Variants in CEP72 observed in about 807,000 individuals in gnomAD.
CEP72 encodes centrosomal protein of 72 kDa.
A neutral mutation model predicts 65.7 loss-of-function variants in CEP72; 78 were observed. That is an observed-to-expected ratio of 1.19 (90% CI 0.99 to 1.43). The LOEUF (loss-of-function observed/expected upper bound fraction) is 1.43, where lower values mean the gene tolerates loss of function less well. Among genes scored for constraint, CEP72 ranks in the 40% most tolerant of loss-of-function variants. CEP72 has a pLI of 0.00. For missense variants in CEP72, 914 were observed against 832.9 expected, an observed-to-expected ratio of 1.10 and a Z score of -1.20; for synonymous variants, 358 against 351.7, an observed-to-expected ratio of 1.02 and a Z score of -0.20.
At chr5:628,485 C>G (rs34964025) in intron 4 of CEP72, among the ~76,000 whole-genome samples, 31 of 61,922 alleles carry the variant, frequency 5.0e-4, no homozygotes, top group African/African-American at 1.9e-3. Flanking sequence ...CTCAGGTTGC[C>G]GTCCCTGGGG....
chr5:655,274 G>T (rs1410288968), downstream of CEP72, among the ~76,000 whole-genome samples: 1 of 151,886 alleles, frequency 6.6e-6, no homozygotes, highest in African/African-American at 2.4e-5. The surrounding 1 kb of genome is among the most constrained non-coding windows in gnomAD (Gnocchi z 5.0). Flanking sequence ...CAGGAGAATC[G>T]TTTGAACCTG....
chr5:626,675 T>C (rs1488784764), intron 4 of CEP72, among the ~76,000 whole-genome samples: 1 of 152,034 alleles, frequency 6.6e-6, no homozygotes, highest in East Asian at 1.9e-4. Flanking sequence ...TTTTTTTTCT[T>C]AATTAACTGG....
chr5:644,611 C>T (rs1161214559), intron 10 of CEP72, among the ~76,000 whole-genome samples, 186 bp downstream of exon 10: 2 of 152,196 alleles, frequency 1.3e-5, no homozygotes, highest in African/African-American at 4.8e-5. Context: ...ATGGCACACA[C>T]GTGTGTCTGG....
chr5:636,809 CAAAAAAA>C (rs76828125), intron 6 of CEP72, among the ~76,000 whole-genome samples: 1,155 of 54,490 alleles, frequency 0.021, 41 homozygotes, highest in Admixed American at 0.13. Flanking sequence ...GACTCCAACT[CAAAAAAA>C]AAAAAAAAAA....
intron 11 of CEP72, among the ~76,000 whole-genome samples, chr5:650,096 T>TGTGACTGTGAGGC (rs1561064155): frequency 0.15 from 95 of 634 alleles, 29 homozygotes; most frequent in Middle Eastern, 1. Context: ...GACTGTGAGG[T>TGTGACTGTGAGGC]GTGGACTGTG....
chr5:637,830 G>C lies in CEP72; in HGVS notation c.1206+12G>C. On this transcript the variant is annotated intron_variant, in intron 7 of 11. Transcript: ENST00000264935. ...CCGACACCAGAGAGGTGAGAGAAGG[G>C]CTGGGGAGCAGCAGGCCCACGGCAC... is the stretch of plus-strand genomic sequence containing the variant. 2 of 1,524,094 alleles carry C rather than the reference G, an allele frequency of 1.3e-6. No individual in the cohort carries two copies. The highest frequency in any genetic ancestry group is 1.8e-6 in the Non-Finnish European group (2 of 1,133,276). 94.4% of individuals were successfully genotyped at this position (1,524,094 alleles called of 1,614,324 possible).
At chr5:671,942 C>T (rs1255643778), downstream of CEP72, among the ~76,000 whole-genome samples, 2 of 152,204 alleles carry the variant, frequency 1.3e-5, no homozygotes, top group Non-Finnish European at 2.9e-5. Context: ...AGCCCTGAGG[C>T]TCCTGGCCCC....
intron 4 of CEP72, chr5:666,140 G>A (rs759942758): frequency 6.2e-6 from 10 of 1,606,178 alleles, no homozygotes; most frequent in East Asian, 4.5e-5. Flanking sequence ...GGGCACAGGC[G>A]ACTTAGGGCT....
chr5:658,754 C>T (rs1461054411), downstream of CEP72, among the ~76,000 whole-genome samples: 1 of 142,848 alleles, frequency 7.0e-6, no homozygotes, highest in African/African-American at 2.6e-5. Context: ...CTGCAAGCTC[C>T]GCCTCCCGGG....
At chr5:617,207 C>G (rs891306428) in intron 1 of CEP72, among the ~76,000 whole-genome samples, 11 of 152,174 alleles carry the variant, frequency 7.2e-5, no homozygotes, top group African/African-American at 2.7e-4. Flanking sequence ...TGGGTTCTCT[C>G]TCGAGTGCCG....
chr5:626,631 A>C (rs1736775095), intron 4 of CEP72, among the ~76,000 whole-genome samples: 1 of 152,088 alleles, frequency 6.6e-6, no homozygotes, highest in Middle Eastern at 3.2e-3. Flanking sequence ...ACCAGCCTGG[A>C]CAACATAGTG....
downstream of CEP72, chr5:661,047 G>C (rs1444215136): frequency 6.6e-6 from 1 of 152,332 alleles, no homozygotes; most frequent in East Asian, 1.9e-4. Context: ...CTAATTGTTA[G>C]GAACACTACC....
At chr5:658,645 A>ATTTTTTTTTTTTTTTTTTTTTTT (rs70955278), downstream of CEP72, among the ~76,000 whole-genome samples, 4 of 55,946 alleles carry the variant, frequency 7.1e-5, 1 homozygote, top group Non-Finnish European at 1.4e-4. Flanking sequence ...AGCAAAGCTG[A>ATTTTTTTTTTTTTTTTTTTTTTT]TTTTTTTTTT....
intron 2 of CEP72, 54 bp from the exon 3 acceptor site, chr5:620,015 C>G: frequency 6.9e-7 from 1 of 1,457,698 alleles, no homozygotes; most frequent in African/African-American, 1.4e-5. Flanking sequence ...GCTTATTTCA[C>G]TGTGTATTTC....
At chr5:644,171 C>A in intron 9 of CEP72, 128 bp from the exon 10 acceptor site, 1 of 1,013,000 alleles carries the variant, frequency 9.9e-7, no homozygotes, top group Non-Finnish European at 1.5e-6. Context: ...TGAATTACTG[C>A]CTTTCACATC....
At chr5:648,830 G>A (rs1738651985) in intron 11 of CEP72, among the ~76,000 whole-genome samples, 1 of 130,648 alleles carries the variant, frequency 7.7e-6, no homozygotes, top group Non-Finnish European at 1.6e-5. Flanking sequence ...ACTGTGAGGT[G>A]TGACTGTGAG....
intron 10 of CEP72, among the ~76,000 whole-genome samples, chr5:644,994 AG>A (rs1468922194): frequency 2.6e-5 from 4 of 151,974 alleles, no homozygotes; most frequent in Admixed American, 6.6e-5. Context: ...ATTTTAAATA[AG>A]GAAATGCTGA....
At chr5:612,806 G>A (rs1264439175) in intron 1 of CEP72, among the ~76,000 whole-genome samples, 3 of 152,248 alleles carry the variant, frequency 2.0e-5, no homozygotes, top group African/African-American at 7.2e-5. Context: ...CCCACTCTGT[G>A]GTGATTGTTG....
At chr5:668,612 C>G (rs559838522), downstream of CEP72, among the ~76,000 whole-genome samples, 2 of 152,232 alleles carry the variant, frequency 1.3e-5, no homozygotes, top group South Asian at 4.1e-4. Flanking sequence ...CACACCCGGC[C>G]GAGCAACGCG....
Sources: gnomAD v4.1 joint callset for allele counts (sites outside exome capture counted in the v4.1 genomes callset) on GRCh38, gnomAD v4.1.1 for gene constraint, Gnocchi (gnomAD v3.1) non-coding constraint, MANE v1.5 for transcripts, NCBI Gene and HGNC (gene_info 2026-07-23, HGNC 2026-07-21) for gene names.